MMP26: variants seen among roughly 807,000 people sequenced by gnomAD.
The protein encoded by MMP26 is matrix metallopeptidase 26.
A neutral mutation model predicts 31.0 loss-of-function variants in MMP26; 33 were observed. The observed-to-expected ratio is 1.06, with a 90% confidence interval of 0.81 to 1.42. The LOEUF (loss-of-function observed/expected upper bound fraction) is 1.42, where lower values mean the gene tolerates loss of function less well. MMP26 is among the 40% of genes most tolerant of loss of function. The pLI is 0.00. For synonymous variants in MMP26, 122 were observed against 114.9 expected (o/e 1.06, Z -0.40); for missense variants, 347 against 316.1 (o/e 1.10, Z -0.74).
intron 1 of MMP26, chr11:4,736,953 G>C (rs939016601): frequency 2.6e-5 from 4 of 153,160 alleles, no homozygotes; most frequent in Non-Finnish European, 5.8e-5. Flanking sequence ...CAGTGATGAT[G>C]ACAAATAGAA....
chr11:4,723,882 G>C, intron 1 of MMP26: 2 of 1,181,904 alleles, frequency 1.7e-6, no homozygotes, highest in South Asian at 2.4e-5. Context: ...AGCTGTTGAG[G>C]GTCTTGATCT....
intron 2 of MMP26, chr11:4,849,283 G>A: frequency 1.3e-6 from 2 of 1,495,568 alleles, no homozygotes; most frequent in Non-Finnish European, 1.8e-6. Flanking sequence ...TGCCAAATTT[G>A]CATGAAACGT....
chr11:4,772,674 T>A (rs1848742224), intron 2 of MMP26, among the ~76,000 whole-genome samples: 1 of 152,010 alleles, frequency 6.6e-6, no homozygotes, highest in African/African-American at 2.4e-5. Flanking sequence ...ATTGAGAGAG[T>A]TTTTTCATTT....
intron 2 of MMP26, among the ~76,000 whole-genome samples, chr11:4,960,874 G>C (rs2133620815): frequency 6.6e-6 from 1 of 151,992 alleles, no homozygotes; most frequent in African/African-American, 2.4e-5. Context: ...AAATGCAAAG[G>C]CATATATTAA....
chr11:4,779,826 G>T (rs996074140), intron 2 of MMP26, among the ~76,000 whole-genome samples: 1 of 152,018 alleles, frequency 6.6e-6, no homozygotes, highest in Non-Finnish European at 1.5e-5. Context: ...TTAAGACACA[G>T]AGCATTACTG....
At chr11:4,848,096 T>C (rs1270500569) in intron 2 of MMP26, 3 of 858,132 alleles carry the variant, frequency 3.5e-6, no homozygotes, top group African/African-American at 3.4e-5. Flanking sequence ...TACACAGGCA[T>C]ACTTCCAGGG....
chr11:4,812,147 G>GA (rs1376914155), intron 2 of MMP26, among the ~76,000 whole-genome samples: 1 of 151,808 alleles, frequency 6.6e-6, no homozygotes, highest in Non-Finnish European at 1.5e-5. Flanking sequence ...ACTTTTGTTG[G>GA]AAAAAAAGGT....
intron 1 of MMP26, among the ~76,000 whole-genome samples, chr11:4,725,137 A>G (rs1339140806): frequency 6.6e-6 from 1 of 152,168 alleles, no homozygotes. Flanking sequence ...GCCTTCTGCC[A>G]TGACTGTAAG....
In MMP26 at chr11:4,839,977, A is replaced by G. The variant is rs370278485; in HGVS notation, c.-145+72636A>G. On this transcript the variant is annotated intron_variant, in intron 2 of 7. Coordinates refer to ENST00000380390, the MANE Select transcript of MMP26 (RefSeq NM_021801.5). ...AAGGGTGAGTTCCTGGCCAGGCAGT[A>G]TTCACCACAAGCTGACTTAAGAGCC... 2.8e-4 allele frequency among the ~76,000 whole-genome samples: 42 copies of G among 152,176 alleles called. No individual in the cohort carries two copies. The East Asian group carries it at 7.8e-3, about 28-fold the overall frequency.
At chr11:4,928,017 G>T (rs1851296795) in intron 2 of MMP26, among the ~76,000 whole-genome samples, 1 of 151,592 alleles carries the variant, frequency 6.6e-6, no homozygotes, top group South Asian at 2.1e-4. Context: ...ACCTAGCCAG[G>T]CCTGAAGACC....
chr11:4,971,950 C>T (rs913003477), intron 2 of MMP26, among the ~76,000 whole-genome samples: 3 of 152,128 alleles, frequency 2.0e-5, no homozygotes, highest in Non-Finnish European at 4.4e-5. Context: ...AATGGTACCA[C>T]GCCCTTCATG....
chr11:4,735,925 AC>A (rs1235667220), intron 1 of MMP26, among the ~76,000 whole-genome samples: 2 of 152,064 alleles, frequency 1.3e-5, no homozygotes, highest in Non-Finnish European at 2.9e-5. Flanking sequence ...ATACTTCCAA[AC>A]CTTTAGTAAC....
intron 2 of MMP26, among the ~76,000 whole-genome samples, chr11:4,894,952 G>A (rs1022329784): frequency 3.3e-5 from 5 of 152,028 alleles, no homozygotes; most frequent in African/African-American, 1.2e-4. Flanking sequence ...TTTATGAACA[G>A]GAAATAGTAA....
chr11:4,971,718 G>T, intron 2 of MMP26, among the ~76,000 whole-genome samples: 1 of 152,108 alleles, frequency 6.6e-6, no homozygotes, highest in Non-Finnish European at 1.5e-5. Flanking sequence ...GGTTTATTTG[G>T]CTCACAGTTC....
chr11:4,904,373 G>C lies in MMP26; in HGVS notation c.-144-83695G>C, dbSNP rs539166129. 5.9e-5 allele frequency among the ~76,000 whole-genome samples: 9 copies of C among 152,120 alleles called. No homozygotes were observed. The South Asian group carries it at 1.9e-3, about 32-fold the overall frequency. On this transcript the variant is annotated intron_variant, in intron 2 of 7. Transcript: ENST00000380390. ...AAAGAATAGCAATTCTAAGTGGTAT[G>C]GGAAATATTTTACCTGAGGACTGCC...
intron 2 of MMP26, among the ~76,000 whole-genome samples, chr11:4,966,891 G>C (rs1049795672): frequency 1.3e-5 from 2 of 152,210 alleles, no homozygotes; most frequent in African/African-American, 4.8e-5. Flanking sequence ...AGGGCAGCTA[G>C]TAGGGATTTC....
At chr11:4,969,611 T>G (rs553088552) in intron 2 of MMP26, among the ~76,000 whole-genome samples, 23 of 152,232 alleles carry the variant, frequency 1.5e-4, no homozygotes, top group Non-Finnish European at 3.4e-4. Context: ...TTTGTTTTAC[T>G]GCTGTGCTTG....
At chr11:4,871,512 T>G (rs73405004) in intron 2 of MMP26, among the ~76,000 whole-genome samples, 2,542 of 152,192 alleles carry the variant, frequency 0.017, 81 homozygotes, top group African/African-American at 0.058. Context: ...TAGATCTGTA[T>G]TAGGCAAAGC....
chr11:4,802,949 TG>T (rs1175318346), intron 2 of MMP26, among the ~76,000 whole-genome samples: 6 of 152,348 alleles, frequency 3.9e-5, no homozygotes, highest in African/African-American at 1.2e-4. Context: ...TTTTATATTT[TG>T]TTTTTATAAG....
Sources: allele counts gnomAD v4.1 joint callset (sites outside exome capture counted in the v4.1 genomes callset), GRCh38; gene constraint gnomAD v4.1.1; transcripts MANE v1.5; gene names NCBI Gene and HGNC (gene_info 2026-07-23, HGNC 2026-07-21).